GREB1L: variants seen among roughly 807,000 people sequenced by gnomAD.
GREB1L encodes GREB1-like protein.
GREB1L carries 17 observed loss-of-function variants against 200.8 expected under a neutral mutation model. The observed-to-expected ratio is 0.08, with a 90% CI of 0.06 to 0.13. The LOEUF is 0.13. Ranked by LOEUF, GREB1L falls within the 10% of genes least tolerant of loss-of-function variation. GREB1L has a pLI of 1.00. For missense variants in GREB1L, 1,657 were observed against 2,367.7 expected, an observed-to-expected ratio of 0.70 and a Z score of 6.23; for synonymous variants, 789 against 893.0, an observed-to-expected ratio of 0.88 and a Z score of 2.08.
intron 1 of GREB1L, among the ~76,000 whole-genome samples, chr18:21,299,105 C>T (rs1366480450): frequency 1.3e-5 from 2 of 151,612 alleles, no homozygotes; most frequent in Non-Finnish European, 2.9e-5. Flanking sequence ...TGGTGAAATC[C>T]TGTCTCTACT....
chr18:21,501,767 C>T (rs1358793425), intron 23 of GREB1L, among the ~76,000 whole-genome samples: 3 of 152,116 alleles, frequency 2.0e-5, no homozygotes, highest in African/African-American at 4.8e-5. Flanking sequence ...AGTGAAGGCA[C>T]GGGATTACTA....
chr18:21,339,379 G>T (rs186868707), intron 1 of GREB1L, among the ~76,000 whole-genome samples: 1 of 152,236 alleles, frequency 6.6e-6, no homozygotes, highest in East Asian at 1.9e-4. Context: ...CACAAGCTGT[G>T]TAAGTAAAAT....
Position 21,499,973 on chromosome 18 carries a change from A to G in GREB1L, c.3636A>G (p.Pro1212=). Residue 1212 remains proline (P), a synonymous_variant, in exon 22 of 33, where the codon CCA becomes CCG. Coordinates refer to ENST00000424526, the MANE Select transcript of GREB1L (RefSeq NM_001142966.3). ...SSSSSGPRTL[P]WPGQPIRGCR... is the part of the protein sequence containing the mutation. ...CATCCTCAGGACCCAGGACCCTCCC[A>G]TGGCCGGGACAGCCCATCAGAGGCT... 6.4e-7 allele frequency: 1 copy of G among 1,551,438 alleles called. No homozygotes were observed. The highest frequency in any genetic ancestry group is 1.4e-5 in the African/African-American group (1 of 73,166).
intron 2 of GREB1L, among the ~76,000 whole-genome samples, chr18:21,372,869 C>T (rs2039933705): frequency 6.6e-6 from 1 of 152,008 alleles, no homozygotes; most frequent in African/African-American, 2.4e-5. Context: ...GGCGGTGAGC[C>T]GAGATCATGC....
intron 1 of GREB1L, among the ~76,000 whole-genome samples, chr18:21,342,471 G>A (rs116978251): frequency 0.011 from 1,685 of 152,098 alleles, 22 homozygotes; most frequent in Middle Eastern, 0.027. Flanking sequence ...TATCTTATTT[G>A]AATCTTTTGT....
intron 7 of GREB1L, among the ~76,000 whole-genome samples, chr18:21,436,663 T>G (rs1437862039): frequency 2.9e-5 from 4 of 139,924 alleles, no homozygotes; most frequent in Non-Finnish European, 4.6e-5. Context: ...CCCAGAAAAG[T>G]TCAGTGGTGT....
At chr18:21,512,214 T>C (rs929552142) in intron 27 of GREB1L, among the ~76,000 whole-genome samples, 1 of 152,206 alleles carries the variant, frequency 6.6e-6, no homozygotes, top group African/African-American at 2.4e-5. Flanking sequence ...TAGATTTTTC[T>C]ATTTCTGCAA....
At chr18:21,281,838 T>C (rs1384851564) in intron 1 of GREB1L, among the ~76,000 whole-genome samples, 1 of 152,242 alleles carries the variant, frequency 6.6e-6, no homozygotes, top group Non-Finnish European at 1.5e-5. Context: ...GGAAAACTTT[T>C]GAAATACATA....
intron 32 of GREB1L, among the ~76,000 whole-genome samples, chr18:21,521,348 G>A (rs1221142261): frequency 6.6e-6 from 1 of 151,100 alleles, no homozygotes; most frequent in African/African-American, 2.4e-5. Flanking sequence ...TCCAGCCTGG[G>A]CAACAACAGT....
At chr18:21,258,636 A>G (rs1244394031) in intron 1 of GREB1L, among the ~76,000 whole-genome samples, 1 of 152,220 alleles carries the variant, frequency 6.6e-6, no homozygotes, top group Admixed American at 6.5e-5. Context: ...CAGTAGCATT[A>G]TCTTTTAAAT....
Position 21,515,576 on chromosome 18 carries a change from G to T in GREB1L, c.5061G>T (p.Arg1687Ser). Residue 1687 changes from arginine to serine, a missense_variant, in exon 29 of 33, where the codon AGG becomes AGT. Physicochemically the swap from Arg to Ser is moderately radical, Grantham distance 110. Coordinates refer to ENST00000424526, the MANE Select transcript of GREB1L (RefSeq NM_001142966.3). ...AGAGCCTAAAGGCCCCATTCTCTAG[G>T]TGTCACGTGCATGATTTCATTCTCC... ...TSQSLKAPFS[R>S]CHVHDFILLN... 1 of 1,551,670 alleles carries T rather than the reference G, an allele frequency of 6.4e-7. No individual in the cohort carries two copies. Among genetic ancestry groups the T allele is most frequent in the Non-Finnish European group, 8.7e-7 (1 of 1,146,990 alleles).
chr18:21,377,314 C>G (rs76383105), intron 2 of GREB1L, among the ~76,000 whole-genome samples: 11 of 151,976 alleles, frequency 7.2e-5, no homozygotes, highest in African/African-American at 2.2e-4. Context: ...AATGCTTCCA[C>G]GCCTCTCCTC....
chr18:21,337,265 A>C (rs2039199034), intron 1 of GREB1L, among the ~76,000 whole-genome samples: 3 of 152,152 alleles, frequency 2.0e-5, no homozygotes, highest in Admixed American at 2.0e-4. Context: ...ATTTCTGATG[A>C]AGCTTTTGGG....
chr18:21,384,479 G>T, intron 4 of GREB1L, 76 bp downstream of exon 4: 2 of 1,197,366 alleles, frequency 1.7e-6, no homozygotes, highest in Non-Finnish European at 2.3e-6. Flanking sequence ...ATTACATGAG[G>T]TGCTCAAGGC....
At chr18:21,374,402 A>AATCTTGAT (rs2039991749) in intron 2 of GREB1L, among the ~76,000 whole-genome samples, 1 of 152,186 alleles carries the variant, frequency 6.6e-6, no homozygotes, top group Admixed American at 6.5e-5. Context: ...ACCTTGAAAA[A>AATCTTGAT]ATCTTGATTC....
chr18:21,309,811 G>A, intron 1 of GREB1L, among the ~76,000 whole-genome samples: 1 of 151,956 alleles, frequency 6.6e-6, no homozygotes, highest in East Asian at 1.9e-4. Context: ...GACATTTTTG[G>A]TTGTCACACT....
intron 1 of GREB1L, among the ~76,000 whole-genome samples, chr18:21,287,787 T>A (rs2144538509): frequency 6.6e-6 from 1 of 151,648 alleles, no homozygotes; most frequent in East Asian, 1.9e-4. Flanking sequence ...GAAATAAGTT[T>A]AAAATCTTTT....
chr18:21,442,529 C>T (rs755310546), intron 10 of GREB1L, among the ~76,000 whole-genome samples: 3 of 152,062 alleles, frequency 2.0e-5, no homozygotes, highest in African/African-American at 4.8e-5. Context: ...ATGCATAGAA[C>T]GTGGGACCCT....
At chr18:21,319,894 A>G (rs561539459) in intron 1 of GREB1L, among the ~76,000 whole-genome samples, 1 of 152,354 alleles carries the variant, frequency 6.6e-6, no homozygotes, top group South Asian at 2.1e-4. Context: ...TGGCCTAAAG[A>G]AAAAGCAAGG....
Sources: allele counts gnomAD v4.1 joint callset (sites outside exome capture counted in the v4.1 genomes callset), GRCh38; gene constraint gnomAD v4.1.1; transcripts MANE v1.5; gene names NCBI Gene and HGNC (gene_info 2026-07-23, HGNC 2026-07-21).